Variants in FAM117B observed in about 807,000 individuals in gnomAD.
FAM117B encodes protein FAM117B.
FAM117B carries 22 observed loss-of-function variants against 52.8 expected under a neutral mutation model. The observed-to-expected ratio is 0.42, with a 90% CI of 0.30 to 0.59. FAM117B has a LOEUF of 0.59. Among genes scored for constraint, FAM117B ranks in the 20% least tolerant of loss-of-function variants. The pLI, the probability that FAM117B is intolerant of heterozygous loss-of-function variation, is 0.22. For missense variants in FAM117B, 678 were observed against 802.6 expected, an observed-to-expected ratio of 0.84 and a Z score of 1.88; for synonymous variants, 309 against 324.1, an observed-to-expected ratio of 0.95 and a Z score of 0.50.
intron 4 of FAM117B, among the ~76,000 whole-genome samples, chr2:202,727,413 A>T (rs1013903992): frequency 5.9e-5 from 9 of 152,162 alleles, no homozygotes; most frequent in Admixed American, 5.9e-4. Context: ...ACAAAAATAT[A>T]CATTTGACTC....
intron 1 of FAM117B, among the ~76,000 whole-genome samples, chr2:202,646,035 T>G (rs947362394): frequency 7.2e-6 from 1 of 139,692 alleles, no homozygotes; most frequent in African/African-American, 2.5e-5. Context: ...TTTTTTGTTT[T>G]TTTTTTTTTG....
chr2:202,760,367 A>T (rs1691867585), intron 7 of FAM117B, among the ~76,000 whole-genome samples: 1 of 152,214 alleles, frequency 6.6e-6, no homozygotes, highest in Non-Finnish European at 1.5e-5. Context: ...TTCCTGCCGA[A>T]GGGACCTGTG....
chr2:202,703,580 T>G (rs1690828051), intron 2 of FAM117B, among the ~76,000 whole-genome samples: 1 of 152,158 alleles, frequency 6.6e-6, no homozygotes, highest in African/African-American at 2.4e-5. Context: ...GGTCTAGAAG[T>G]CCTGGCCCCA....
chr2:202,658,620 A>C (rs1457122420), intron 1 of FAM117B, among the ~76,000 whole-genome samples: 1 of 152,170 alleles, frequency 6.6e-6, no homozygotes. Flanking sequence ...TCTTTACTGC[A>C]GGAAATTTTC....
chr2:202,684,538 A>AT (rs988122566), intron 1 of FAM117B, among the ~76,000 whole-genome samples: 4 of 151,946 alleles, frequency 2.6e-5, no homozygotes, highest in African/African-American at 9.7e-5. Flanking sequence ...TATTTTTCAG[A>AT]TTTTTTGCTA....
intron 1 of FAM117B, among the ~76,000 whole-genome samples, chr2:202,640,673 G>A (rs542451918): frequency 6.6e-6 from 1 of 151,452 alleles, no homozygotes; most frequent in South Asian, 2.1e-4. Flanking sequence ...GTAGTGGCAC[G>A]ATCTCGGCTC....
intron 1 of FAM117B, among the ~76,000 whole-genome samples, chr2:202,637,873 CT>C (rs556979899): frequency 0.24 from 31,191 of 130,700 alleles, 3,772 homozygotes; most frequent in Middle Eastern, 0.3. Flanking sequence ...AGTTAGGTAA[CT>C]TTTTTTTTTT....
At chr2:202,706,341 G>GAA (rs1004543438) in intron 2 of FAM117B, among the ~76,000 whole-genome samples, 5 of 152,074 alleles carry the variant, frequency 3.3e-5, no homozygotes, top group Admixed American at 3.3e-4. Flanking sequence ...AATATTTTAT[G>GAA]AAAGTGTTTG....
At chr2:202,645,817 G>A (rs1030479158) in intron 1 of FAM117B, among the ~76,000 whole-genome samples, 2 of 151,666 alleles carry the variant, frequency 1.3e-5, no homozygotes, top group African/African-American at 4.8e-5. Context: ...AATTGGCCAG[G>A]CTGGTCTCGA....
chr2:202,712,790 G>A (rs1374280088), intron 2 of FAM117B, among the ~76,000 whole-genome samples: 1 of 152,062 alleles, frequency 6.6e-6, no homozygotes, highest in Non-Finnish European at 1.5e-5. Context: ...TGCATTTTCA[G>A]CATCAAAATG....
chr2:202,678,214 T>C (rs1690406508), intron 1 of FAM117B, among the ~76,000 whole-genome samples: 1 of 152,110 alleles, frequency 6.6e-6, no homozygotes, highest in Non-Finnish European at 1.5e-5. Flanking sequence ...GCTGAGAGTT[T>C]AATAGGCAAG....
chr2:202,646,412 C>T (rs903255436), intron 1 of FAM117B, among the ~76,000 whole-genome samples: 2 of 152,196 alleles, frequency 1.3e-5, no homozygotes, highest in Non-Finnish European at 2.9e-5. Context: ...AGAAAGAAGA[C>T]GCAGGGACTC....
At chr2:202,642,060 A>C (rs1284867438) in intron 1 of FAM117B, among the ~76,000 whole-genome samples, 1 of 148,746 alleles carries the variant, frequency 6.7e-6, no homozygotes, top group African/African-American at 2.5e-5. Flanking sequence ...CTCCTGCCTC[A>C]GCCTCCTGAG....
chr2:202,706,066 G>A (rs1690864562), intron 2 of FAM117B, among the ~76,000 whole-genome samples: 1 of 152,106 alleles, frequency 6.6e-6, no homozygotes, highest in South Asian at 2.1e-4. Context: ...AGGCTAGAGT[G>A]TAGTGGCTAT....
chr2:202,725,090 G>A (rs1456722785), intron 3 of FAM117B, 81 bp downstream of exon 3: 1 of 1,030,954 alleles, frequency 9.7e-7, no homozygotes, highest in East Asian at 2.6e-5. Flanking sequence ...TGGGCAGCAA[G>A]GATTTGTCGT....
chr2:202,687,990 A>G (rs948524585), intron 1 of FAM117B, among the ~76,000 whole-genome samples: 7 of 152,240 alleles, frequency 4.6e-5, no homozygotes, highest in African/African-American at 1.7e-4. Context: ...ATGCAAAATT[A>G]GAAATAAATT....
chr2:202,718,569 T>C (rs1240116457), intron 2 of FAM117B, among the ~76,000 whole-genome samples: 1 of 152,236 alleles, frequency 6.6e-6, no homozygotes, highest in Non-Finnish European at 1.5e-5. Flanking sequence ...TTGTGGTATA[T>C]GATTTTTTAA....
At chr2:202,707,243 C>T (rs1213443794) in intron 2 of FAM117B, among the ~76,000 whole-genome samples, 1 of 150,342 alleles carries the variant, frequency 6.7e-6, no homozygotes, top group Non-Finnish European at 1.5e-5. Flanking sequence ...GAGATGCGGG[C>T]CTTACTATGT....
At chr2:202,744,874 G>T (rs1691606291) in intron 4 of FAM117B, among the ~76,000 whole-genome samples, 1 of 150,110 alleles carries the variant, frequency 6.7e-6, no homozygotes. Context: ...CTACTCGGGA[G>T]TCTGAGACAA....
Sources: allele counts gnomAD v4.1 joint callset (sites outside exome capture counted in the v4.1 genomes callset), GRCh38; gene constraint gnomAD v4.1.1; transcripts MANE v1.5; gene names NCBI Gene and HGNC (gene_info 2026-07-23, HGNC 2026-07-21).